Variants in ZNF219 observed in about 807,000 individuals in gnomAD.
ZNF219 encodes zinc finger protein 219.
In ZNF219, 17 loss-of-function variants were observed where a neutral mutation model predicts 54.4. The ratio of observed to expected loss-of-function variants is 0.31; its 90% CI spans 0.21 to 0.47. ZNF219 has a LOEUF of 0.47. Ranked by LOEUF, ZNF219 falls within the 20% of genes least tolerant of loss-of-function variation. The pLI is 1.00. For synonymous variants in ZNF219, 518 were observed against 476.4 expected (o/e 1.09, Z -1.14); for missense variants, 1,014 against 1,062.3 (o/e 0.95, Z 0.63).
chr14:21,096,008 T>C, intron 1 of ZNF219, among the ~76,000 whole-genome samples: 1 of 145,770 alleles, frequency 6.9e-6, no homozygotes, highest in East Asian at 2.1e-4. Context: ...CAATCTGGTA[T>C]ATTCAGAGGA....
In ZNF219 at chr14:21,091,891, G is replaced by T. The variant is rs1185890585; in HGVS notation, c.1406C>A (p.Ala469Asp). 1 of 1,577,830 alleles carries T rather than the reference G, an allele frequency of 6.3e-7. No homozygotes were observed. Among genetic ancestry groups the T allele is most frequent in the East Asian group, 2.3e-5 (1 of 44,078 alleles). Residue 469 changes from alanine to aspartate, a missense_variant, in exon 3 of 5, where the codon GCC (alanine) becomes GAC (aspartate). Coordinates refer to ENST00000360947, the MANE Select transcript of ZNF219 (RefSeq NM_016423.3). The stretch of plus-strand genomic sequence containing the variant: ...CTGCGTGGCGGTCGATCTTGCCTGG[G>T]CCCCAGCAGCAGAGGCAGAGTGCCC... ...GPGHSASAAG[A>D]QARSTATQEE... is the part of the protein sequence containing the mutation.
chr14:21,091,515 G>T lies in ZNF219; in HGVS notation c.1460C>A (p.Thr487Asn). ...GGCGCCCCGGCCCCCTTCAGGCCGG[G>T]TCCCTCCAACCAACAGCCCATTCTC... The part of the protein sequence containing the change: ...QEENGLLVGG[T>N]RPEGGRGATG... The change falls in exon 4 of 5, where the codon ACC (threonine) becomes AAC (asparagine). Residue 487 changes from threonine (T) to asparagine (N), a missense_variant. By Grantham distance (65) the Thr-to-Asn change is moderately conservative. Transcript: ENST00000360947. The T allele has an allele frequency of 6.2e-7, 1 of 1,607,682 alleles. No homozygotes were observed.
At position 21,090,416 on chromosome 14, in the gene ZNF219, C is replaced by A. The variant is rs890203818; in HGVS notation, c.*120G>T. The A allele has an allele frequency of 3.7e-6, 5 of 1,366,168 alleles. No individual in the cohort carries two copies. The African/African-American group carries it at 7.3e-5, about 20-fold the overall frequency. The allele number at this position is 1,366,168 out of a possible 1,614,324, so 84.6% of individuals were successfully genotyped here. ...CCCGCCGCGCCTTCCACCTCTGGTC[C>A]GCCTGGGGCTGGGATATGGGTCCCA... On this transcript the variant is annotated 3_prime_UTR_variant, in exon 5 of 5. Transcript: ENST00000360947. The surrounding 1 kb of genome is among the most constrained non-coding windows in gnomAD (Gnocchi z 4.4).
upstream of ZNF219, chr14:21,102,573 G>T (rs774604318): frequency 1.0e-4 from 162 of 1,551,332 alleles, no homozygotes; most frequent in Middle Eastern, 1.7e-4. Context: ...GGTGGGAAGG[G>T]AAAAGGGCAG....
Position 21,090,568 on chromosome 14 carries a change from C to G in ZNF219, c.2137G>C (p.Gly713Arg), listed in dbSNP as rs776497580. 2.5e-5 allele frequency: 40 copies of G among 1,603,794 alleles called. No individual in the cohort carries two copies. The highest frequency in any genetic ancestry group is 3.4e-5 in the Non-Finnish European group (40 of 1,173,544). ...GEEGSGLSRP[G>R]EAGLGGQER is the part of the protein sequence containing the mutation. ...TCTTGCCCCCCCAGCCCTGCCTCTCCGGGTCTGGACAGCCCGGAGCCCTCC... is the reference window on the plus strand; with the variant it reads ...TCTTGCCCCCCCAGCCCTGCCTCTCGGGGTCTGGACAGCCCGGAGCCCTCC... Residue 713 changes from glycine to arginine, a missense_variant, in exon 5 of 5, where the codon GGA (glycine) becomes CGA (arginine). Around this residue, in one of 5 missense-constraint regions of ZNF219, gnomAD observed 281 missense variants for 271.2 expected, o/e 1.04. Coordinates refer to ENST00000360947, the MANE Select transcript of ZNF219 (RefSeq NM_016423.3). The surrounding 1 kb of genome is among the most constrained non-coding windows in gnomAD (Gnocchi z 4.4).
In ZNF219 at chr14:21,090,440, C is replaced by T; in HGVS notation, c.*96G>A. ...CCGCCTGGGGCTGGGATATGGGTCC[C>T]ACGCTGCCCCCTGCTGGCTTCTCTA... On this transcript the variant is annotated 3_prime_UTR_variant, in exon 5 of 5. Transcript: ENST00000360947. This position sits in a 1 kb window ranked among gnomAD's most constrained non-coding sequence, Gnocchi z 4.4. The T allele has an allele frequency of 6.9e-7, 1 of 1,454,140 alleles. No individual in the cohort carries two copies. Among genetic ancestry groups the T allele is most frequent in the Non-Finnish European group, 9.2e-7 (1 of 1,084,792 alleles). 90.1% of individuals were successfully genotyped at this position (1,454,140 alleles called of 1,614,324 possible).
At chr14:21,103,335 G>T, upstream of ZNF219, 4 of 1,491,970 alleles carry the variant, frequency 2.7e-6, no homozygotes, top group Non-Finnish European at 3.6e-6. Flanking sequence ...AGTCCAATAG[G>T]AAGTCCGGGA....
Position 21,098,427 on chromosome 14 carries a change from G to C in ZNF219, c.-199C>G. Reference sequence around the variant, plus strand: ...GGCCGGGGGAGATGCGCCGGGCCCCGGCCCCCCCGCCCCCGGCCCGGCCCC... The same window carrying C: ...GGCCGGGGGAGATGCGCCGGGCCCCCGCCCCCCCGCCCCCGGCCCGGCCCC... On this transcript the variant is annotated 5_prime_UTR_variant, in exon 1 of 5. Coordinates refer to ENST00000360947, the MANE Select transcript of ZNF219 (RefSeq NM_016423.3). 30 of 569,208 alleles carry C rather than the reference G, an allele frequency of 5.3e-5. No individual in the cohort carries two copies. The highest frequency in any genetic ancestry group is 5.9e-5 in the Non-Finnish European group (27 of 454,740). The allele number at this position is 569,208 out of a possible 1,614,324, so 35.3% of individuals were successfully genotyped here.
intron 1 of ZNF219, chr14:21,097,530 G>A (rs1264561333): frequency 6.6e-6 from 1 of 152,220 alleles, no homozygotes; most frequent in Non-Finnish European, 1.5e-5. Flanking sequence ...GGAGGTAGGG[G>A]CGATCAAGGG....
chr14:21,099,115 G>A (rs1889487659), upstream of ZNF219: 1 of 246,316 alleles, frequency 4.1e-6, no homozygotes, highest in African/African-American at 2.3e-5. Flanking sequence ...CTTACTAAGT[G>A]CCAGGCACTG....
chr14:21,104,083 C>T (rs1292871844), intron 1 of ZNF219: 2 of 152,348 alleles, frequency 1.3e-5, no homozygotes, highest in Admixed American at 6.5e-5. Context: ...TTTCTCGTCC[C>T]CTCCCCTAGG....
Position 21,092,605 on chromosome 14 carries a change from TGA to T in ZNF219, c.690_691del (p.Gln231AlafsTer24). 1 of 1,549,524 alleles carries T rather than the reference TGA, an allele frequency of 6.5e-7. No individual in the cohort carries two copies. On this transcript the variant is annotated frameshift_variant, in exon 3 of 5. Coordinates refer to ENST00000360947, the MANE Select transcript of ZNF219 (RefSeq NM_016423.3). LOFTEE classifies it high-confidence loss of function. ...TTCGGGCTGGGGTGGAGGCTGAGGC[TGA>T]GGCTGAGGCGGAGGCGCAGCGGAGG...
upstream of ZNF219, chr14:21,103,066 A>C: frequency 6.5e-7 from 1 of 1,549,154 alleles, no homozygotes; most frequent in Non-Finnish European, 8.7e-7. Context: ...GGGCAGGAGG[A>C]AGCAGTTGTT....
At position 21,092,475 on chromosome 14, in the gene ZNF219, G is replaced by A. The variant is rs1888990127; in HGVS notation, c.822C>T (p.Phe274=). 4 of 1,554,822 alleles carry A rather than the reference G, an allele frequency of 2.6e-6. No homozygotes were observed. The highest frequency in any genetic ancestry group is 3.5e-6 in the Non-Finnish European group (4 of 1,149,216). ...APEEPPAPPE[F]RCQVCGQSFT... ...AGCTCTGGCCGCACACTTGGCAGCGGAACTCCGGAGGCGCTGGGGGCTCCT... is the reference window on the plus strand; with the variant it reads ...AGCTCTGGCCGCACACTTGGCAGCGAAACTCCGGAGGCGCTGGGGGCTCCT... Residue 274 remains phenylalanine, a synonymous_variant, in exon 3 of 5, where the codon TTC becomes TTT. Transcript: ENST00000360947.
upstream of ZNF219, chr14:21,102,605 C>T (rs1889715993): frequency 6.4e-7 from 1 of 1,551,018 alleles, no homozygotes; most frequent in African/African-American, 1.4e-5. Context: ...TGCGGGGTCC[C>T]TGCATTCTCA....
chr14:21,103,554 A>G (rs1239410091), upstream of ZNF219: 7 of 346,000 alleles, frequency 2.0e-5, no homozygotes, highest in Non-Finnish European at 3.7e-5. Context: ...TCATAATCCC[A>G]TCCACTCCAA....
At chr14:21,094,361 C>T (rs371180243) in intron 1 of ZNF219, 4 of 455,784 alleles carry the variant, frequency 8.8e-6, no homozygotes, top group Admixed American at 2.4e-5. Context: ...GCACAGCTAG[C>T]CTGGGGAAGG....
chr14:21,091,147 A>G lies in ZNF219; in HGVS notation c.1565-7T>C. The G allele has an allele frequency of 6.3e-7, 1 of 1,595,056 alleles. No individual in the cohort carries two copies. ...CACTTGTAGGGCCGCTCGCCTGGGG[A>G]GAGTGGGTGCGATAGGGTCACGGGG... On this transcript the variant is annotated splice_region_variant and splice_polypyrimidine_tract_variant and intron_variant, in intron 4 of 4. Coordinates refer to ENST00000360947, the MANE Select transcript of ZNF219 (RefSeq NM_016423.3).
upstream of ZNF219, chr14:21,103,303 A>G (rs997824599): frequency 2.8e-5 from 43 of 1,533,746 alleles, no homozygotes; most frequent in African/African-American, 5.7e-4. Context: ...CACCAAACTC[A>G]GAAGCTTGCT....
Sources: gnomAD v4.1 joint callset for allele counts (sites outside exome capture counted in the v4.1 genomes callset) on GRCh38, gnomAD v4.1.1 for gene constraint, gnomAD v4.1.1 regional missense constraint, Gnocchi (gnomAD v3.1) non-coding constraint, MANE v1.5 for transcripts, NCBI Gene and HGNC (gene_info 2026-07-23, HGNC 2026-07-21) for gene names.